GRIN2B: variants seen among roughly 807,000 people sequenced by gnomAD.
The protein encoded by GRIN2B is glutamate receptor ionotropic, NMDA 2B.
GRIN2B carries 5 observed loss-of-function variants against 114.5 expected under a neutral mutation model. That is an observed-to-expected ratio of 0.04 (90% CI 0.02 to 0.09). The LOEUF (loss-of-function observed/expected upper bound fraction) is 0.09. Ranked by LOEUF, GRIN2B falls within the 10% of genes least tolerant of loss-of-function variation. The pLI is 1.00. For synonymous variants in GRIN2B, 787 were observed against 745.1 expected, an observed-to-expected ratio of 1.06 and a Z score of -0.92; for missense variants, 1,108 against 1,943.5, an observed-to-expected ratio of 0.57 and a Z score of 8.08.
At chr12:13,749,251 T>C (rs1204477109) in intron 4 of GRIN2B, among the ~76,000 whole-genome samples, 1 of 152,232 alleles carries the variant, frequency 6.6e-6, no homozygotes, top group Non-Finnish European at 1.5e-5. Context: ...AGGTATATCA[T>C]ATAACCTCTT....
chr12:13,548,535 G>A lies in GRIN2B; in HGVS notation c.*14248C>T, dbSNP rs1364476667. The A allele has an allele frequency of 6.6e-6, 1 of 151,168 alleles. No individual in the cohort carries two copies. Among genetic ancestry groups the A allele is most frequent in the Admixed American group, 6.6e-5 (1 of 15,186 alleles). 9.4% of individuals were successfully genotyped at this position (151,168 alleles called of 1,614,324 possible). On this transcript the variant is annotated 3_prime_UTR_variant, in exon 14 of 14. Coordinates refer to ENST00000609686, the MANE Select transcript of GRIN2B (RefSeq NM_000834.5). ...GAAGACAGGGAGTGGTCATCTTGGG[G>A]GAATAAGATGCTCCAAATACTCATC...
Position 13,563,415 on chromosome 12 carries a change from T to C in GRIN2B, c.3823A>G (p.Asn1275Asp). Residue 1275 changes from asparagine to aspartate, a missense_variant, in exon 14 of 14, where the codon AAC becomes GAC. Around this residue, in one of 19 missense-constraint regions of GRIN2B, gnomAD observed 478 missense variants for 506.0 expected, o/e 0.94. Transcript: ENST00000609686. ...TGAGGGTACTTAGTGGTGGAGGCGT[T>C]TGACGTCACCGCCACTGGGGCAGCC... ...QPAAPVAVTSNASTTKYPQSP... is the reference protein window; with the variant it reads ...QPAAPVAVTSDASTTKYPQSP... The C allele has an allele frequency of 6.2e-7, 1 of 1,614,146 alleles. No homozygotes were observed. The highest frequency in any genetic ancestry group is 8.5e-7 in the Non-Finnish European group (1 of 1,180,024).
chr12:13,753,521 A>T lies in GRIN2B; in HGVS notation c.806T>A (p.Val269Glu). The T allele has an allele frequency of 6.2e-7, 1 of 1,614,132 alleles. No individual in the cohort carries two copies. Among genetic ancestry groups the T allele is most frequent in the Non-Finnish European group, 8.5e-7 (1 of 1,180,000 alleles). ...GAGCCCAGTGGGGAACTCCGCAGGC[A>T]CTGTGTCTGTATCCCCTGCCACCAG... Reference protein sequence around the residue: ...PSLVAGDTDTVPAEFPTGLIS... With the variant: ...PSLVAGDTDTEPAEFPTGLIS... The change falls in exon 4 of 14, where the codon GTG becomes GAG. Residue 269 changes from valine (V) to glutamate (E), a missense_variant. Transcript: ENST00000609686. This position sits in a 1 kb window ranked among gnomAD's most constrained non-coding sequence, Gnocchi z 6.2.
intron 3 of GRIN2B, among the ~76,000 whole-genome samples, chr12:13,818,591 T>G (rs1565549346): frequency 6.6e-6 from 1 of 152,258 alleles, no homozygotes; most frequent in Non-Finnish European, 1.5e-5. Context: ...ATCTATTTAT[T>G]ATACCTGTTT....
rs138264041 is a variant in GRIN2B at position 13,616,018 on chromosome 12, G to A, written c.1329-354C>T. 6.5e-3 allele frequency among the ~76,000 whole-genome samples: 991 copies of A among 152,178 alleles called. 4 individuals are homozygous for A. The highest frequency in any genetic ancestry group is 0.024 in the Middle Eastern group (7 of 294). ...ACAGAAAAGTTACCAGTACCAGAGAGGCCTCTTGTTTCCCACTCTAGGCAC... is the reference window on the plus strand; with the variant it reads ...ACAGAAAAGTTACCAGTACCAGAGAAGCCTCTTGTTTCCCACTCTAGGCAC... On this transcript the variant is annotated intron_variant, in intron 6 of 13. Transcript: ENST00000609686.
intron 3 of GRIN2B, among the ~76,000 whole-genome samples, chr12:13,823,370 G>A (rs902989607): frequency 6.6e-6 from 1 of 151,980 alleles, no homozygotes; most frequent in African/African-American, 2.4e-5. Flanking sequence ...TTTCAGGGTA[G>A]GGGTCTTGAA....
chr12:13,853,183 C>T (rs1865601136), intron 3 of GRIN2B, among the ~76,000 whole-genome samples: 1 of 152,156 alleles, frequency 6.6e-6, no homozygotes, highest in Admixed American at 6.5e-5. Context: ...AAGCATTCAC[C>T]ACTATCCAAA....
At chr12:13,955,820 G>A (rs1002803042) in intron 2 of GRIN2B, among the ~76,000 whole-genome samples, 33 of 152,164 alleles carry the variant, frequency 2.2e-4, no homozygotes, top group African/African-American at 8.0e-4. Flanking sequence ...TGTGCCTGCT[G>A]TATGCAATGC....
At chr12:13,975,652 G>A (rs1273697991) in intron 2 of GRIN2B, among the ~76,000 whole-genome samples, 1 of 152,144 alleles carries the variant, frequency 6.6e-6, no homozygotes, top group East Asian at 1.9e-4. Flanking sequence ...TCCTTTCTCT[G>A]TTCATTTATT....
chr12:13,718,218 A>G (rs887063097), intron 4 of GRIN2B, among the ~76,000 whole-genome samples: 4 of 152,014 alleles, frequency 2.6e-5, no homozygotes, highest in African/African-American at 9.7e-5. Context: ...ATTCTCCAGA[A>G]GAACATGTGA....
At chr12:13,951,651 A>G (rs886861963) in intron 2 of GRIN2B, among the ~76,000 whole-genome samples, 2 of 152,194 alleles carry the variant, frequency 1.3e-5, no homozygotes, top group African/African-American at 4.8e-5. Context: ...ACAGGCTCCC[A>G]CACACACTGT....
chr12:13,576,910 T>C (rs899067664), intron 10 of GRIN2B, among the ~76,000 whole-genome samples: 2 of 152,216 alleles, frequency 1.3e-5, no homozygotes, highest in African/African-American at 4.8e-5. Flanking sequence ...GGAATCTTTT[T>C]CTAGGAGTCA....
chr12:13,633,533 C>T (rs942899687), intron 5 of GRIN2B, among the ~76,000 whole-genome samples: 1 of 152,160 alleles, frequency 6.6e-6, no homozygotes, highest in African/African-American at 2.4e-5. Context: ...TAAAACTCAT[C>T]CCCTTCTACA....
intron 5 of GRIN2B, among the ~76,000 whole-genome samples, chr12:13,618,000 T>C (rs2136483445): frequency 6.6e-6 from 1 of 152,348 alleles, no homozygotes; most frequent in South Asian, 2.1e-4. Context: ...TGGCTGATGC[T>C]GGTTGGTTTT....
intron 2 of GRIN2B, among the ~76,000 whole-genome samples, chr12:13,901,422 G>A (rs977059396): frequency 3.3e-5 from 5 of 151,908 alleles, no homozygotes; most frequent in Non-Finnish European, 4.4e-5. Flanking sequence ...AAACTACCCT[G>A]TATATATTTT....
At chr12:13,716,315 A>T (rs964425896) in intron 4 of GRIN2B, among the ~76,000 whole-genome samples, 1 of 151,632 alleles carries the variant, frequency 6.6e-6, no homozygotes, top group Non-Finnish European at 1.5e-5. Context: ...AGGGAGGTGA[A>T]GTCAGAACAG....
chr12:13,795,446 G>A (rs888093884), intron 3 of GRIN2B, among the ~76,000 whole-genome samples: 2 of 152,006 alleles, frequency 1.3e-5, no homozygotes, highest in Non-Finnish European at 1.5e-5. Context: ...ATGCTGCTTG[G>A]CTTAACTCTG....
chr12:13,607,719 TG>T lies in GRIN2B; in HGVS notation c.2010+883del, dbSNP rs557037464. Among the ~76,000 whole-genome samples, 31 of 38,852 alleles carry T rather than the reference TG, an allele frequency of 8.0e-4. No individual in the cohort carries two copies. The East Asian group carries it at 0.023, about 29-fold the overall frequency. The allele number at this position is 38,852 out of a possible 152,430, so 25.5% of individuals were successfully genotyped here. A position where few individuals can be genotyped will look rare whatever the true frequency, so the allele number is the denominator to read the frequency against. On this transcript the variant is annotated intron_variant, in intron 10 of 13. Coordinates refer to ENST00000609686, the MANE Select transcript of GRIN2B (RefSeq NM_000834.5). ...CTATCTGCAGCTCATGGCTTCATCC[TG>T]GGGGGGTGGGGGTGGGAGTGGAAAA...
chr12:13,868,221 CAA>C (rs141521413), intron 2 of GRIN2B, among the ~76,000 whole-genome samples: 8,846 of 152,142 alleles, frequency 0.058, 344 homozygotes, highest in African/African-American at 0.11. Context: ...CATGCCTGAG[CAA>C]AGTTTACTCC....
Sources: gnomAD v4.1 joint callset for allele counts (sites outside exome capture counted in the v4.1 genomes callset) on GRCh38, gnomAD v4.1.1 for gene constraint, gnomAD v4.1.1 regional missense constraint, Gnocchi (gnomAD v3.1) non-coding constraint, MANE v1.5 for transcripts, NCBI Gene and HGNC (gene_info 2026-07-23, HGNC 2026-07-21) for gene names.